The following IRF2 variants were observed in gnomAD, a reference collection of about 807,000 sequenced individuals.
The protein encoded by IRF2 is interferon regulatory factor 2.
Under a neutral mutation model 40.6 loss-of-function variants are expected in IRF2, and 15 were observed. The observed-to-expected ratio is 0.37, with a 90% CI of 0.25 to 0.57. IRF2 has a LOEUF of 0.57. IRF2 is among the 20% of genes least tolerant of loss of function. The probability of loss-of-function intolerance (pLI) is 0.77; values close to 1 mark genes in which losing one functional copy is unlikely to be tolerated. For synonymous variants in IRF2, 151 were observed against 165.5 expected, an observed-to-expected ratio of 0.91 and a Z score of 0.67; for missense variants, 317 against 455.7, an observed-to-expected ratio of 0.70 and a Z score of 2.77.
chr4:184,398,898 C>T lies in IRF2; in HGVS notation c.694+17G>A. On this transcript the variant is annotated intron_variant, in intron 7 of 8. Coordinates refer to ENST00000393593, the MANE Select transcript of IRF2 (RefSeq NM_002199.4). Reference sequence around the variant, plus strand: ...GGCCGGTTCCCACGCCTCCCGGAGCCTCCCGCTGACGCTTACCTGCATAGG... The same window carrying T: ...GGCCGGTTCCCACGCCTCCCGGAGCTTCCCGCTGACGCTTACCTGCATAGG... 6.4e-7 allele frequency: 1 copy of T among 1,573,108 alleles called. No homozygotes were observed. The highest frequency in any genetic ancestry group is 1.2e-5 in the South Asian group (1 of 85,104).
At chr4:184,427,983 G>A (rs1178373631) in intron 2 of IRF2, among the ~76,000 whole-genome samples, 2 of 152,204 alleles carry the variant, frequency 1.3e-5, no homozygotes, top group Non-Finnish European at 2.9e-5. Flanking sequence ...CCTCCTTAAA[G>A]AAGGCATGAT....
chr4:184,437,467 A>C (rs528353505), intron 1 of IRF2, among the ~76,000 whole-genome samples: 1 of 152,296 alleles, frequency 6.6e-6, no homozygotes, highest in Non-Finnish European at 1.5e-5. Context: ...CCAAACTGCT[A>C]AGGTTAGAGG....
intron 7 of IRF2, among the ~76,000 whole-genome samples, chr4:184,398,410 A>G (rs1736541959): frequency 6.6e-6 from 1 of 152,180 alleles, no homozygotes; most frequent in Non-Finnish European, 1.5e-5. Flanking sequence ...TAATTCCAGC[A>G]CTTTGGGAGG....
chr4:184,398,668 A>T (rs1396493330), intron 7 of IRF2, among the ~76,000 whole-genome samples: 3 of 143,296 alleles, frequency 2.1e-5, no homozygotes, highest in Admixed American at 6.9e-5. Context: ...AAAAAAAAAA[A>T]ATAAATAAAT....
At position 184,419,479 on chromosome 4, in the gene IRF2, T is replaced by C. The variant is rs769448499; in HGVS notation, c.177A>G (p.Ala59=). 4 of 1,606,922 alleles carry C rather than the reference T, an allele frequency of 2.5e-6. No individual in the cohort carries two copies. The South Asian group carries it at 3.3e-5, about 13-fold the overall frequency. The change falls in exon 3 of 9, where the codon GCA becomes GCG. Residue 59 remains alanine, a synonymous_variant. Transcript: ENST00000393593. ...AGGGAGTTTTAGTACCTGTATGGATTGCCCAGTTTCTAAAGAGTGGTGCAT... is the reference window on the plus strand; with the variant it reads ...AGGGAGTTTTAGTACCTGTATGGATCGCCCAGTTTCTAAAGAGTGGTGCAT... The part of the protein sequence containing the change: ...EKDAPLFRNW[A]IHTGKHQPGV...
At chr4:184,444,698 CA>C (rs1738439414) in intron 1 of IRF2, among the ~76,000 whole-genome samples, 1 of 152,152 alleles carries the variant, frequency 6.6e-6, no homozygotes, top group African/African-American at 2.4e-5. Context: ...CTCATCTCAA[CA>C]AAGGGATGAT....
In IRF2 at chr4:184,408,633, G is replaced by A. The variant is rs547050941; in HGVS notation, c.412-358C>T. On this transcript the variant is annotated intron_variant, in intron 5 of 8. Transcript: ENST00000393593. This position sits in a 1 kb window ranked among gnomAD's most constrained non-coding sequence, Gnocchi z 4.9. The stretch of plus-strand genomic sequence containing the variant: ...GATTCTACACTCTCCTCCTCTGAGG[G>A]GGTGCTCAAAAGAATCAATGCCTGG... Among the ~76,000 whole-genome samples the A allele has an allele frequency of 1.1e-4, 16 of 152,168 alleles. No individual in the cohort carries two copies. The highest frequency in any genetic ancestry group is 1.6e-4 in the Non-Finnish European group (11 of 68,032).
chr4:184,428,493 G>C (rs146173419), intron 2 of IRF2, among the ~76,000 whole-genome samples: 10 of 152,308 alleles, frequency 6.6e-5, no homozygotes, highest in Non-Finnish European at 1.3e-4. Context: ...GGCTACAGTC[G>C]TACAGGATAC....
chr4:184,450,265 TG>T (rs1027674352), intron 1 of IRF2, among the ~76,000 whole-genome samples: 3 of 152,266 alleles, frequency 2.0e-5, no homozygotes, highest in African/African-American at 7.2e-5. Context: ...AAATGAGTCA[TG>T]ATAATAACTT....
intron 3 of IRF2, 62 bp downstream of exon 3, chr4:184,419,407 T>C (rs963150911): frequency 9.1e-7 from 1 of 1,101,846 alleles, no homozygotes; most frequent in Non-Finnish European, 1.4e-6. Context: ...ATTTTATGTG[T>C]AATAAAAACA....
At position 184,410,876 on chromosome 4, in the gene IRF2, A is replaced by G. The variant is rs140023095; in HGVS notation, c.412-2601T>C. ...TTGAGAAAACGATGACTCAGAGACT[A>G]AATTAATTTTCCAAGATCACGCTAC... On this transcript the variant is annotated intron_variant, in intron 5 of 8. Coordinates refer to ENST00000393593, the MANE Select transcript of IRF2 (RefSeq NM_002199.4). Among the ~76,000 whole-genome samples the G allele has an allele frequency of 2.1e-3, 324 of 152,292 alleles. 1 individual carries two copies. The highest frequency in any genetic ancestry group is 7.6e-3 in the African/African-American group (316 of 41,550).
chr4:184,458,478 ATTTG>A (rs1469895475), intron 1 of IRF2, among the ~76,000 whole-genome samples: 21 of 152,324 alleles, frequency 1.4e-4, no homozygotes, highest in Middle Eastern at 6.8e-3. Context: ...TATTTAAGAT[ATTTG>A]TTTGTAGAAG....
chr4:184,433,372 T>C (rs890071688), intron 1 of IRF2, among the ~76,000 whole-genome samples: 5 of 152,198 alleles, frequency 3.3e-5, no homozygotes, highest in Non-Finnish European at 7.3e-5. Context: ...CCCATGCTCC[T>C]GCCGTGTGGT....
chr4:184,406,898 G>A (rs1736878978), intron 6 of IRF2, among the ~76,000 whole-genome samples: 1 of 152,210 alleles, frequency 6.6e-6, no homozygotes, highest in Non-Finnish European at 1.5e-5. Context: ...TCCTACAGGG[G>A]GCACTTTGAG....
chr4:184,441,463 T>C (rs1008234795), intron 1 of IRF2, among the ~76,000 whole-genome samples: 9 of 152,216 alleles, frequency 5.9e-5, no homozygotes, highest in Non-Finnish European at 1.3e-4. Context: ...ACCCCTGTAA[T>C]GTTCCTGCTA....
rs775591551 is a variant in IRF2, at chr4:184,408,953, G to A, written c.412-678C>T. Among the ~76,000 whole-genome samples, 24 of 152,156 alleles carry A rather than the reference G, an allele frequency of 1.6e-4. No homozygotes were observed. Among genetic ancestry groups the A allele is most frequent in the Non-Finnish European group, 2.9e-4 (20 of 68,022 alleles). ...TGCACGTGCACACTAATGAAATAAT[G>A]AGAACAAATTCCTTTCCCTTATTGG... On this transcript the variant is annotated intron_variant, in intron 5 of 8. Coordinates refer to ENST00000393593, the MANE Select transcript of IRF2 (RefSeq NM_002199.4). The surrounding 1 kb of genome is among the most constrained non-coding windows in gnomAD (Gnocchi z 4.9).
rs1561095144 is a variant in IRF2 at position 184,413,145 on chromosome 4, T to G, written c.412-4870A>C. Among the ~76,000 whole-genome samples, 1 of 152,214 alleles carries G rather than the reference T, an allele frequency of 6.6e-6. No individual in the cohort carries two copies. On this transcript the variant is annotated intron_variant, in intron 5 of 8. Transcript: ENST00000393593. The surrounding 1 kb of genome is among the most constrained non-coding windows in gnomAD (Gnocchi z 4.2). ...TCTGGAGAAATGTCTCCTCCCTCCA[T>G]GCCAGTGGCACCAGCTACTGCCTTT...
At chr4:184,399,871 T>G (rs892701458) in intron 6 of IRF2, among the ~76,000 whole-genome samples, 4 of 152,236 alleles carry the variant, frequency 2.6e-5, no homozygotes, top group Admixed American at 6.5e-5. Flanking sequence ...ATATTGTTTA[T>G]TTTGAGATCA....
intron 8 of IRF2, among the ~76,000 whole-genome samples, chr4:184,389,594 C>T (rs1164258826): frequency 6.6e-6 from 1 of 152,132 alleles, no homozygotes; most frequent in African/African-American, 2.4e-5. Context: ...TTTTTCTTCC[C>T]TTTTCTTTTT....
Sources: allele counts gnomAD v4.1 joint callset (sites outside exome capture counted in the v4.1 genomes callset), GRCh38; gene constraint gnomAD v4.1.1; non-coding constraint Gnocchi (gnomAD v3.1); transcripts MANE v1.5; gene names NCBI Gene and HGNC (gene_info 2026-07-23, HGNC 2026-07-21).